Variants in OR10Z1 observed in about 807,000 individuals in gnomAD.
The protein encoded by OR10Z1 is olfactory receptor 10Z1.
For missense variants in OR10Z1, 468 were observed against 371.0 expected, an observed-to-expected ratio of 1.26 and a Z score of -2.15; for synonymous variants, 187 against 151.2, an observed-to-expected ratio of 1.24 and a Z score of -1.74.
At position 158,611,483 on chromosome 1, in the gene OR10Z1, GGA is replaced by G. The variant is rs1381805665; in HGVS notation, c.*4107_*4108del. On this transcript the variant is annotated 3_prime_UTR_variant, in exon 2 of 2. Coordinates refer to ENST00000641002, the MANE Select transcript of OR10Z1 (RefSeq NM_001004478.2). ...ATATTACGCCATAAATGCAGGAGAT[GGA>G]GAGTCTCTGGAAGACGCAAGCCCTA... 6.8e-7 allele frequency: 1 copy of G among 1,480,366 alleles called. No homozygotes were observed. The highest frequency in any genetic ancestry group is 2.3e-5 in the East Asian group (1 of 43,182). The allele number at this position is 1,480,366 out of a possible 1,614,324, so 91.7% of individuals were successfully genotyped here. A position where few individuals can be genotyped will look rare whatever the true frequency, so the allele number is the denominator to read the frequency against.
rs773542786 is a variant in OR10Z1, at chr1:158,607,232, G to A, written c.794G>A (p.Ser265Asn). The A allele has an allele frequency of 2.5e-6, 4 of 1,614,086 alleles. No homozygotes were observed. In the South Asian group the frequency reaches 4.4e-5, roughly 18 times the overall value. ...ASFVYLRPKASYSLERDQLIA... is the reference protein window; with the variant it reads ...ASFVYLRPKANYSLERDQLIA... ...TTCGTGTACCTGAGGCCCAAAGCCAGCTACTCTCTTGAGAGAGATCAGCTT... is the reference window on the plus strand; with the variant it reads ...TTCGTGTACCTGAGGCCCAAAGCCAACTACTCTCTTGAGAGAGATCAGCTT... The change falls in exon 2 of 2, where the codon AGC becomes AAC. Residue 265 changes from serine to asparagine, a missense_variant. Ser to Asn is a conservative substitution (Grantham distance 46, BLOSUM62 1). Coordinates refer to ENST00000641002, the MANE Select transcript of OR10Z1 (RefSeq NM_001004478.2).
rs188239318 is a variant in OR10Z1, at chr1:158,612,440, T to G, written c.*5060T>G. 3 of 290,202 alleles carry G rather than the reference T, an allele frequency of 1.0e-5. No individual in the cohort carries two copies. Among genetic ancestry groups the G allele is most frequent in the African/African-American group, 6.6e-5 (3 of 45,120 alleles). The allele number at this position is 290,202 out of a possible 1,614,324, so 18.0% of individuals were successfully genotyped here. ...TGCTTCTGTTACAGTGTTTTTAACT[T>G]GTAAAGTTCTGTCTTCCCCACTACA... On this transcript the variant is annotated 3_prime_UTR_variant, in exon 2 of 2. Transcript: ENST00000641002.
In OR10Z1 at chr1:158,607,362, A is replaced by C; in HGVS notation, c.924A>C (p.Arg308Ser). 1 of 1,612,918 alleles carries C rather than the reference A, an allele frequency of 6.2e-7. No homozygotes were observed. Among genetic ancestry groups the C allele is most frequent in the Middle Eastern group, 1.7e-4 (1 of 6,052 alleles). Reference protein sequence around the residue: ...QTALRNAFRGRLLGKG With the variant: ...QTALRNAFRGSLLGKG ...CTCTGAGGAATGCTTTCAGAGGGAG[A>C]TTGCTGGGTAAAGGATGAAGGTTAC... Residue 308 changes from arginine to serine, a missense_variant, in exon 2 of 2, where the codon AGA becomes AGC. By Grantham distance (110) the Arg-to-Ser change is moderately radical. Transcript: ENST00000641002.
In OR10Z1 at chr1:158,610,945, G is replaced by A. The variant is rs561434223; in HGVS notation, c.*3565G>A. ...AAAAGAATTACTTTATTCTATAATC[G>A]GAATAAAGCAAAATGATAAAGACGT... is the stretch of plus-strand genomic sequence containing the variant. On this transcript the variant is annotated 3_prime_UTR_variant, in exon 2 of 2. Transcript: ENST00000641002. 6.1e-5 allele frequency: 15 copies of A among 247,264 alleles called. No homozygotes were observed. Among genetic ancestry groups the A allele is most frequent in the Middle Eastern group, 1.5e-3 (1 of 686 alleles). The allele number at this position is 247,264 out of a possible 1,614,324, so 15.3% of individuals were successfully genotyped here. A position where few individuals can be genotyped will look rare whatever the true frequency, so the allele number is the denominator to read the frequency against.
Position 158,609,811 on chromosome 1 carries a change from T to A in OR10Z1, c.*2431T>A, listed in dbSNP as rs1214350123. The A allele has an allele frequency of 6.6e-6, 1 of 152,150 alleles. No homozygotes were observed. Among genetic ancestry groups the A allele is most frequent in the Non-Finnish European group, 1.5e-5 (1 of 68,010 alleles). 9.4% of individuals were successfully genotyped at this position (152,150 alleles called of 1,614,324 possible). On this transcript the variant is annotated 3_prime_UTR_variant, in exon 2 of 2. Coordinates refer to ENST00000641002, the MANE Select transcript of OR10Z1 (RefSeq NM_001004478.2). ...ATTTGACCCACTAAATGACTAATAA[T>A]TTGATTTAGGCCTTGAAAATTTTTG...
Position 158,609,334 on chromosome 1 carries a change from A to C in OR10Z1, c.*1954A>C, listed in dbSNP as rs1557914137. 1.3e-5 allele frequency: 2 copies of C among 152,166 alleles called. No individual in the cohort carries two copies. The highest frequency in any genetic ancestry group is 2.4e-5 in the African/African-American group (1 of 41,446). 9.4% of individuals were successfully genotyped at this position (152,166 alleles called of 1,614,324 possible). ...AGAACAGGATGAAGACAAGTAGATGAGTTAGTCAGATAGCCAAAAGGGCCT... is the reference window on the plus strand; with the variant it reads ...AGAACAGGATGAAGACAAGTAGATGCGTTAGTCAGATAGCCAAAAGGGCCT... On this transcript the variant is annotated 3_prime_UTR_variant, in exon 2 of 2. Coordinates refer to ENST00000641002, the MANE Select transcript of OR10Z1 (RefSeq NM_001004478.2).
intron 1 of OR10Z1, among the ~76,000 whole-genome samples, chr1:158,606,072 ATAATT>A (rs1649039601): frequency 6.6e-6 from 1 of 152,192 alleles, no homozygotes; most frequent in Admixed American, 6.5e-5. Flanking sequence ...TAGCAAATGT[ATAATT>A]TATAGTTTTG....
At position 158,606,609 on chromosome 1, in the gene OR10Z1, C is replaced by A; in HGVS notation, c.171C>A (p.Thr57=). The A allele has an allele frequency of 1.9e-6, 3 of 1,614,042 alleles. No individual in the cohort carries two copies. The highest frequency in any genetic ancestry group is 2.5e-6 in the Non-Finnish European group (3 of 1,179,944). The stretch of plus-strand genomic sequence containing the variant: ...TCAGGCTGGATAGCCATCTGCACAC[C>A]CCCATGTACCTCTTCCTTTCCTTCC... ...IAIRLDSHLH[T]PMYLFLSFLS... is the part of the protein sequence containing the mutation. Residue 57 remains threonine, a synonymous_variant, in exon 2 of 2, where the codon ACC becomes ACA. Transcript: ENST00000641002.
In OR10Z1 at chr1:158,611,745, T is replaced by C; in HGVS notation, c.*4365T>C. On this transcript the variant is annotated 3_prime_UTR_variant, in exon 2 of 2. Transcript: ENST00000641002. The stretch of plus-strand genomic sequence containing the variant: ...TTGAGATGTGGGGACTAGCATGTTT[T>C]ATGAGTAAGGTAAAATACTCAAGAA... 1 of 255,016 alleles carries C rather than the reference T, an allele frequency of 3.9e-6. No homozygotes were observed. Among genetic ancestry groups the C allele is most frequent in the Non-Finnish European group, 7.7e-6 (1 of 130,048 alleles). The allele number at this position is 255,016 out of a possible 1,614,324, so 15.8% of individuals were successfully genotyped here.
rs1649315119 is a variant in OR10Z1 at position 158,612,429 on chromosome 1, T to A, written c.*5049T>A. 3.6e-6 allele frequency: 1 copy of A among 277,534 alleles called. No individual in the cohort carries two copies. The highest frequency in any genetic ancestry group is 5.0e-5 in the Admixed American group (1 of 20,112). 17.2% of individuals were successfully genotyped at this position (277,534 alleles called of 1,614,324 possible). On this transcript the variant is annotated 3_prime_UTR_variant, in exon 2 of 2. Transcript: ENST00000641002. ...ACAGATGTGTTTGCTTCTGTTACAG[T>A]GTTTTTAACTTGTAAAGTTCTGTCT...
Position 158,606,403 on chromosome 1 carries a change from G to GA in OR10Z1, c.-33dup, listed in dbSNP as rs765402387. On this transcript the variant is annotated 5_prime_UTR_variant, in exon 2 of 2. Coordinates refer to ENST00000641002, the MANE Select transcript of OR10Z1 (RefSeq NM_001004478.2). The stretch of plus-strand genomic sequence containing the variant: ...TTAGGCATCTACTGGCAAGGTGGAA[G>GA]AAATCAACAAATCTATCAGGGATAT... 1 of 1,384,898 alleles carries GA rather than the reference G, an allele frequency of 7.2e-7. No homozygotes were observed. The highest frequency in any genetic ancestry group is 1.0e-6 in the Non-Finnish European group (1 of 995,350). 85.8% of individuals were successfully genotyped at this position (1,384,898 alleles called of 1,614,324 possible).
At chr1:158,605,825 A>G (rs1649033467) in intron 1 of OR10Z1, among the ~76,000 whole-genome samples, 1 of 152,196 alleles carries the variant, frequency 6.6e-6, no homozygotes, top group Non-Finnish European at 1.5e-5. Context: ...GATCTATAAA[A>G]CAAAATCCAT....
rs1026793058 is a variant in OR10Z1 at position 158,611,487 on chromosome 1, A to G, written c.*4107A>G. The stretch of plus-strand genomic sequence containing the variant: ...TACGCCATAAATGCAGGAGATGGAG[A>G]GTCTCTGGAAGACGCAAGCCCTATT... On this transcript the variant is annotated 3_prime_UTR_variant, in exon 2 of 2. Transcript: ENST00000641002. The G allele has an allele frequency of 1.3e-5, 19 of 1,422,966 alleles. No homozygotes were observed. The highest frequency in any genetic ancestry group is 1.7e-5 in the Non-Finnish European group (17 of 1,022,064). The allele number at this position is 1,422,966 out of a possible 1,614,324, so 88.1% of individuals were successfully genotyped here.
Position 158,607,239 on chromosome 1 carries a change from T to G in OR10Z1, c.801T>G (p.Ser267=). The G allele has an allele frequency of 6.2e-7, 1 of 1,614,068 alleles. No homozygotes were observed. The change falls in exon 2 of 2, where the codon TCT becomes TCG. Residue 267 remains serine (S), a synonymous_variant. Transcript: ENST00000641002. ...ACCTGAGGCCCAAAGCCAGCTACTC[T>G]CTTGAGAGAGATCAGCTTATTGCCA... is the stretch of plus-strand genomic sequence containing the variant. ...FVYLRPKASY[S]LERDQLIAMT...
rs1557915918 is a variant in OR10Z1 at position 158,611,279 on chromosome 1, G to C, written c.*3899G>C. On this transcript the variant is annotated 3_prime_UTR_variant, in exon 2 of 2. Coordinates refer to ENST00000641002, the MANE Select transcript of OR10Z1 (RefSeq NM_001004478.2). ...GAGCTGCTTATTAGTTGCCAAAGTA[G>C]GAATTGGTGAAGCCAACGTAGTCAT... 2 of 1,613,718 alleles carry C rather than the reference G, an allele frequency of 1.2e-6. No individual in the cohort carries two copies. The highest frequency in any genetic ancestry group is 1.7e-6 in the Non-Finnish European group (2 of 1,179,748).
chr1:158,611,294 A>G lies in OR10Z1; in HGVS notation c.*3914A>G. 2.5e-6 allele frequency: 4 copies of G among 1,613,844 alleles called. No homozygotes were observed. The highest frequency in any genetic ancestry group is 1.1e-5 in the South Asian group (1 of 91,080). ...TGCCAAAGTAGGAATTGGTGAAGCC[A>G]ACGTAGTCATAGCCAGAGAGATGGC... On this transcript the variant is annotated 3_prime_UTR_variant, in exon 2 of 2. Coordinates refer to ENST00000641002, the MANE Select transcript of OR10Z1 (RefSeq NM_001004478.2).
rs1219178902 is a variant in OR10Z1, at chr1:158,609,935, A to G, written c.*2555A>G. 4 of 152,200 alleles carry G rather than the reference A, an allele frequency of 2.6e-5. No individual in the cohort carries two copies. The highest frequency in any genetic ancestry group is 5.9e-5 in the Non-Finnish European group (4 of 68,036). The allele number at this position is 152,200 out of a possible 1,614,324, so 9.4% of individuals were successfully genotyped here. On this transcript the variant is annotated 3_prime_UTR_variant, in exon 2 of 2. Transcript: ENST00000641002. ...ACTATCCATATGTGGTAAGTGTGATATTAAACAATGCTAATTTTCGATGGC... is the reference window on the plus strand; with the variant it reads ...ACTATCCATATGTGGTAAGTGTGATGTTAAACAATGCTAATTTTCGATGGC...
In OR10Z1 at chr1:158,608,117, C is replaced by A. The variant is rs761773746; in HGVS notation, c.*737C>A. The A allele has an allele frequency of 3.9e-5, 6 of 151,938 alleles. No homozygotes were observed. Among genetic ancestry groups the A allele is most frequent in the Non-Finnish European group, 7.4e-5 (5 of 67,962 alleles). 9.4% of individuals were successfully genotyped at this position (151,938 alleles called of 1,614,324 possible). ...TTTGATTGATTTTCCAAGCTGGGTG[C>A]ACTCTATTTCAGAAAATATATTTAC... On this transcript the variant is annotated 3_prime_UTR_variant, in exon 2 of 2. Coordinates refer to ENST00000641002, the MANE Select transcript of OR10Z1 (RefSeq NM_001004478.2).
In OR10Z1 at chr1:158,607,866, G is replaced by C. The variant is rs539790327; in HGVS notation, c.*486G>C. On this transcript the variant is annotated 3_prime_UTR_variant, in exon 2 of 2. Transcript: ENST00000641002. ...TGGGGAATATCAGCTTGACAGGTTA[G>C]TTTAAAGCTTTGTTAAATGAACAGG... The C allele has an allele frequency of 1.3e-5, 2 of 152,992 alleles. No individual in the cohort carries two copies. The highest frequency in any genetic ancestry group is 4.8e-5 in the African/African-American group (2 of 41,570). The allele number at this position is 152,992 out of a possible 1,614,324, so 9.5% of individuals were successfully genotyped here. A position where few individuals can be genotyped will look rare whatever the true frequency, so the allele number is the denominator to read the frequency against.
Sources: allele counts gnomAD v4.1 joint callset (sites outside exome capture counted in the v4.1 genomes callset), GRCh38; gene constraint gnomAD v4.1.1; transcripts MANE v1.5; gene names NCBI Gene and HGNC (gene_info 2026-07-23, HGNC 2026-07-21).